Variants in AFF4 observed in about 807,000 individuals in gnomAD.
AFF4 encodes ALF transcription elongation factor 4, also known as AF4/FMR2 family member 4.
In AFF4, 13 loss-of-function variants were observed where a neutral mutation model predicts 124.8. That is an observed-to-expected ratio of 0.10 (90% CI 0.07 to 0.17). The LOEUF (loss-of-function observed/expected upper bound fraction) is 0.17. Ranked by LOEUF, AFF4 falls within the 10% of genes least tolerant of loss-of-function variation. The pLI is 1.00. For synonymous variants in AFF4, 477 were observed against 496.1 expected, an observed-to-expected ratio of 0.96 and a Z score of 0.51; for missense variants, 1,092 against 1,403.8, an observed-to-expected ratio of 0.78 and a Z score of 3.55.
chr5:132,963,308 G>A lies in AFF4; in HGVS notation c.-54C>T. The A allele has an allele frequency of 5.0e-6, 2 of 396,116 alleles. No homozygotes were observed. Among genetic ancestry groups the A allele is most frequent in the East Asian group, 3.6e-5 (1 of 27,976 alleles). The allele number at this position is 396,116 out of a possible 1,614,324, so 24.5% of individuals were successfully genotyped here. A position where few individuals can be genotyped will look rare whatever the true frequency, so the allele number is the denominator to read the frequency against. ...CGAACCATCTCCTGGCTGCGGCAGT[G>A]GCGGCGCCGGGCCTGCACCTTCACC... On this transcript the variant is annotated 5_prime_UTR_variant, in exon 1 of 21. Transcript: ENST00000265343.
chr5:132,938,352 A>G (rs67904956), intron 1 of AFF4, among the ~76,000 whole-genome samples: 17,455 of 151,070 alleles, frequency 0.12, 1,279 homozygotes, highest in South Asian at 0.19. Context: ...ACCACAACCT[A>G]TGCCTCCCGG....
chr5:132,881,016 CAG>C lies in AFF4; in HGVS notation c.*41_*42del, dbSNP rs1759963113. 6.3e-7 allele frequency: 1 copy of C among 1,594,730 alleles called. No individual in the cohort carries two copies. On this transcript the variant is annotated 3_prime_UTR_variant, in exon 21 of 21. Transcript: ENST00000265343. ...GGCAGTTTTCCTTCGTGATGTGACA[CAG>C]TGTTGTGGAGAAAATCAGAGGCAAC...
At chr5:132,944,687 T>C (rs974987014) in intron 1 of AFF4, among the ~76,000 whole-genome samples, 1 of 151,664 alleles carries the variant, frequency 6.6e-6, no homozygotes, top group African/African-American at 2.4e-5. Context: ...TCCCAGCACT[T>C]TGGAGGCTGA....
chr5:132,905,215 T>C (rs556845324), intron 5 of AFF4, among the ~76,000 whole-genome samples: 4 of 152,256 alleles, frequency 2.6e-5, no homozygotes, highest in Admixed American at 1.3e-4. Context: ...TATAACAGCA[T>C]AGTGTCCAGC....
Position 132,926,925 on chromosome 5 carries a change from A to G in AFF4, c.1050+196T>C, listed in dbSNP as rs557171900. 1.2e-4 allele frequency: 63 copies of G among 509,012 alleles called. 1 individual carries two copies. In the South Asian group the frequency reaches 1.4e-3, roughly 12 times the overall value. The allele number at this position is 509,012 out of a possible 1,614,324, so 31.5% of individuals were successfully genotyped here. ...AAGCTTTCTTAATACCTCTTGATCC[A>G]AGATGCTCTCAGTTCCATTACCCTG... is the stretch of plus-strand genomic sequence containing the variant. On this transcript the variant is annotated intron_variant, in intron 5 of 20. Transcript: ENST00000265343.
chr5:132,933,258 A>T (rs943377166), intron 3 of AFF4, among the ~76,000 whole-genome samples: 22 of 151,256 alleles, frequency 1.5e-4, no homozygotes, highest in Non-Finnish European at 2.5e-4. Flanking sequence ...TTAGCCGGGC[A>T]TGGTGGCACA....
rs10039125 is a variant in AFF4, at chr5:132,934,971, T to A, written c.124-30A>T. Reference sequence around the variant, plus strand: ...AAAAAAATAAAATAAAATAAAATTATAAAATGAGCATAATCAGAAATAAAA... The same window carrying A: ...AAAAAAATAAAATAAAATAAAATTAAAAAATGAGCATAATCAGAAATAAAA... On this transcript the variant is annotated intron_variant, in intron 2 of 20. Coordinates refer to ENST00000265343, the MANE Select transcript of AFF4 (RefSeq NM_014423.4). The A allele has an allele frequency of 0.32, 460,965 of 1,436,506 alleles. 77,571 individuals carry two copies. The highest frequency in any genetic ancestry group is 0.55 in the East Asian group (22,667 of 41,086). The allele number at this position is 1,436,506 out of a possible 1,614,324, so 89.0% of individuals were successfully genotyped here. A position where few individuals can be genotyped will look rare whatever the true frequency, so the allele number is the denominator to read the frequency against.
intron 5 of AFF4, among the ~76,000 whole-genome samples, chr5:132,906,841 G>C (rs906541263): frequency 7.9e-5 from 12 of 152,122 alleles, no homozygotes; most frequent in Non-Finnish European, 1.3e-4. Context: ...GGCTTATGCA[G>C]GTAATCCCAA....
intron 1 of AFF4, among the ~76,000 whole-genome samples, chr5:132,946,042 A>G (rs1209399005): frequency 6.6e-6 from 1 of 152,236 alleles, no homozygotes; most frequent in Non-Finnish European, 1.5e-5. Context: ...CCTGGGCAAC[A>G]AGAGCAAAAC....
chr5:132,884,816 C>T (rs574581220), intron 19 of AFF4, among the ~76,000 whole-genome samples: 2 of 152,228 alleles, frequency 1.3e-5, no homozygotes, highest in South Asian at 2.1e-4. Flanking sequence ...GGAAATCAAA[C>T]TGTGAAAAGG....
intron 3 of AFF4, among the ~76,000 whole-genome samples, chr5:132,932,830 T>C (rs990562303): frequency 2.6e-5 from 4 of 152,198 alleles, no homozygotes; most frequent in East Asian, 1.9e-4. Context: ...AAACAGGAAT[T>C]AGAGAGCCGA....
chr5:132,946,444 C>T (rs551893816), intron 1 of AFF4, among the ~76,000 whole-genome samples: 14 of 152,084 alleles, frequency 9.2e-5, no homozygotes, highest in African/African-American at 1.2e-4. Flanking sequence ...TCCATCAACA[C>T]GGATAAGCAA....
At chr5:132,908,100 A>G (rs1464613460) in intron 5 of AFF4, among the ~76,000 whole-genome samples, 1 of 151,998 alleles carries the variant, frequency 6.6e-6, no homozygotes, top group African/African-American at 2.4e-5. Context: ...TACAGCTTAA[A>G]CAAGTTTGTC....
intron 11 of AFF4, among the ~76,000 whole-genome samples, chr5:132,895,937 T>C (rs1760379509): frequency 6.6e-6 from 1 of 152,214 alleles, no homozygotes; most frequent in African/African-American, 2.4e-5. Flanking sequence ...GGTCTGGGTG[T>C]ACATCAGAAG....
In AFF4 at chr5:132,963,423, C is replaced by CAA. The variant is rs1762127369; in HGVS notation, c.-171_-170dup. ...GCGGCGGGGGTTCCGGAGGCCTCGACAAACGAAGGCGGCGTCGGCGGCGGC... is the reference window on the plus strand; with the variant it reads ...GCGGCGGGGGTTCCGGAGGCCTCGACAAAAACGAAGGCGGCGTCGGCGGCGGC... On this transcript the variant is annotated 5_prime_UTR_variant, in exon 1 of 21. Coordinates refer to ENST00000265343, the MANE Select transcript of AFF4 (RefSeq NM_014423.4). The CAA allele has an allele frequency of 2.5e-6, 1 of 398,268 alleles. No homozygotes were observed. The highest frequency in any genetic ancestry group is 4.4e-6 in the Non-Finnish European group (1 of 225,916). The allele number at this position is 398,268 out of a possible 1,614,324, so 24.7% of individuals were successfully genotyped here. A position where few individuals can be genotyped will look rare whatever the true frequency, so the allele number is the denominator to read the frequency against.
chr5:132,886,055 A>G (rs532677878), intron 18 of AFF4, among the ~76,000 whole-genome samples: 1 of 152,360 alleles, frequency 6.6e-6, no homozygotes, highest in South Asian at 2.1e-4. Context: ...TACAGGCGTG[A>G]GCCACCGAAC....
chr5:132,900,677 T>C (rs1445273902), intron 7 of AFF4, among the ~76,000 whole-genome samples: 2 of 152,240 alleles, frequency 1.3e-5, no homozygotes, highest in African/African-American at 4.8e-5. Context: ...CTGGAATTTG[T>C]TTTTGAAAGC....
At chr5:132,896,081 C>T (rs1456525816) in intron 11 of AFF4, among the ~76,000 whole-genome samples, 1 of 152,266 alleles carries the variant, frequency 6.6e-6, no homozygotes, top group African/African-American at 2.4e-5. Flanking sequence ...CCAGCACATG[C>T]TGAAAAGCAC....
chr5:132,891,047 A>G (rs1760244134), intron 13 of AFF4, among the ~76,000 whole-genome samples: 2 of 151,714 alleles, frequency 1.3e-5, no homozygotes, highest in Non-Finnish European at 2.9e-5. Flanking sequence ...ATAATTTAAA[A>G]AAGCAATAGC....
Sources: allele counts gnomAD v4.1 joint callset (sites outside exome capture counted in the v4.1 genomes callset), GRCh38; gene constraint gnomAD v4.1.1; transcripts MANE v1.5; gene names NCBI Gene and HGNC (gene_info 2026-07-23, HGNC 2026-07-21).